CLDN11: variants seen among roughly 807,000 people sequenced by gnomAD.
CLDN11 encodes the protein claudin-11.
Under a neutral mutation model 18.0 loss-of-function variants are expected in CLDN11, and 1 was observed. That is an observed-to-expected ratio of 0.06 (90% CI 0.02 to 0.26). The LOEUF (loss-of-function observed/expected upper bound fraction) is 0.26, where lower values mean the gene tolerates loss of function less well. Ranked by LOEUF, CLDN11 falls within the 10% of genes least tolerant of loss-of-function variation. The pLI, the probability that CLDN11 is intolerant of heterozygous loss-of-function variation, is 1.00. For synonymous variants in CLDN11, 116 were observed against 121.5 expected (o/e 0.96, Z 0.30); for missense variants, 172 against 276.6 (o/e 0.62, Z 2.68).
Position 170,419,398 on chromosome 3 carries a change from G to T in CLDN11, c.226+106G>T. The T allele has an allele frequency of 1.2e-6, 1 of 806,956 alleles. No homozygotes were observed. Among genetic ancestry groups the T allele is most frequent in the Non-Finnish European group, 1.9e-6 (1 of 518,000 alleles). 50.0% of individuals were successfully genotyped at this position (806,956 alleles called of 1,614,324 possible). ...CATTTTGGGGGCTTGAAGACCTTTG[G>T]GTACGTTTTTGACATCCCTAGTCCC... On this transcript the variant is annotated intron_variant, in intron 1 of 2. Transcript: ENST00000064724. This position sits in a 1 kb window ranked among gnomAD's most constrained non-coding sequence, Gnocchi z 8.6.
At chr3:170,428,209 C>T (rs1405694498) in intron 2 of CLDN11, among the ~76,000 whole-genome samples, 1 of 151,350 alleles carries the variant, frequency 6.6e-6, no homozygotes, top group Non-Finnish European at 1.5e-5. Flanking sequence ...TTGTCTTTCT[C>T]TGCCTCTTTG....
intron 1 of CLDN11, among the ~76,000 whole-genome samples, chr3:170,422,380 A>C (rs1738746166): frequency 6.6e-6 from 1 of 152,204 alleles, no homozygotes; most frequent in South Asian, 2.1e-4. Flanking sequence ...TCTATTACAG[A>C]GATGTAGGTA....
In CLDN11 at chr3:170,419,570, TAG is replaced by T. The variant is rs1738670210; in HGVS notation, c.226+279_226+280del. On this transcript the variant is annotated intron_variant, in intron 1 of 2. Transcript: ENST00000064724. This position sits in a 1 kb window ranked among gnomAD's most constrained non-coding sequence, Gnocchi z 8.6. ...AGAATGAACAAACCGGAACACCTAATAGGAACTGAGTCCGTGTTAATTACTGC... is the reference window on the plus strand; with the variant it reads ...AGAATGAACAAACCGGAACACCTAATGAACTGAGTCCGTGTTAATTACTGC... Among the ~76,000 whole-genome samples, 7 of 152,302 alleles carry T rather than the reference TAG, an allele frequency of 4.6e-5. No homozygotes were observed. In the South Asian group the frequency reaches 1.5e-3, roughly 32 times the overall value.
intron 2 of CLDN11, among the ~76,000 whole-genome samples, chr3:170,428,390 C>T (rs1443262449): frequency 6.6e-6 from 1 of 152,196 alleles, no homozygotes; most frequent in African/African-American, 2.4e-5. Flanking sequence ...ATGGACTTCT[C>T]AAATATTTTC....
chr3:170,423,986 G>A (rs937046748), intron 2 of CLDN11, among the ~76,000 whole-genome samples: 1 of 139,482 alleles, frequency 7.2e-6, no homozygotes, highest in African/African-American at 2.7e-5. Context: ...CTGAGATCAC[G>A]CTACTGCGTT....
Position 170,432,625 on chromosome 3 carries a change from G to A in CLDN11, c.493G>A (p.Ala165Thr), listed in dbSNP as rs773175394. 1.2e-6 allele frequency: 2 copies of A among 1,614,160 alleles called. No homozygotes were observed. Among genetic ancestry groups the A allele is most frequent in the Admixed American group, 3.3e-5 (2 of 60,008 alleles). Residue 165 changes from alanine to threonine, a missense_variant, in exon 3 of 3, where the codon GCT (alanine) becomes ACT (threonine). Ala to Thr is a moderately conservative substitution (Grantham distance 58). Around this residue, in one of 3 missense-constraint regions of CLDN11, gnomAD observed 161 missense variants for 240.3 expected, o/e 0.67. Coordinates refer to ENST00000064724, the MANE Select transcript of CLDN11 (RefSeq NM_005602.6). Reference protein sequence around the residue: ...GYSLYAGWIGAVLCLVGGCVI... With the variant: ...GYSLYAGWIGTVLCLVGGCVI... ...CTCCCTGTATGCAGGCTGGATTGGT[G>A]CTGTGCTGTGCCTCGTGGGTGGCTG...
intron 1 of CLDN11, among the ~76,000 whole-genome samples, chr3:170,422,488 C>A (rs562149960): frequency 6.6e-6 from 1 of 152,322 alleles, no homozygotes; most frequent in Non-Finnish European, 1.5e-5. Context: ...GTGGCTCGAT[C>A]TCAGCTCACT....
intron 2 of CLDN11, among the ~76,000 whole-genome samples, chr3:170,424,369 C>G (rs909100616): frequency 6.6e-6 from 1 of 152,160 alleles, no homozygotes; most frequent in Non-Finnish European, 1.5e-5. Context: ...AGCTCTGAGA[C>G]TTGAAGAGGA....
At chr3:170,422,267 C>T (rs372218515) in intron 1 of CLDN11, among the ~76,000 whole-genome samples, 1 of 9,868 alleles carries the variant, frequency 1.0e-4, no homozygotes, top group African/African-American at 1.6e-4. Flanking sequence ...TGCACTGAGA[C>T]AGACAAAGAA....
Position 170,432,652 on chromosome 3 carries a change from G to A in CLDN11, c.520G>A (p.Val174Ile). ...TGTGCTGTGCCTCGTGGGTGGCTGT[G>A]TCATCCTCTGCTGCGCTGGAGATGC... ...GAVLCLVGGC[V>I]ILCCAGDAQA... Residue 174 changes from valine to isoleucine, a missense_variant, in exon 3 of 3, where the codon GTC becomes ATC. Physicochemically the swap from Val to Ile is conservative, Grantham distance 29. This residue lies in a region of CLDN11 where 161 missense variants were observed against 240.3 expected (regional missense o/e 0.67). Coordinates refer to ENST00000064724, the MANE Select transcript of CLDN11 (RefSeq NM_005602.6). 6.2e-7 allele frequency: 1 copy of A among 1,614,178 alleles called. No homozygotes were observed. Among genetic ancestry groups the A allele is most frequent in the Non-Finnish European group, 8.5e-7 (1 of 1,180,038 alleles).
chr3:170,421,788 G>A (rs1738731470), intron 1 of CLDN11, among the ~76,000 whole-genome samples: 2 of 152,184 alleles, frequency 1.3e-5, no homozygotes, highest in African/African-American at 4.8e-5. Context: ...CCAGTATCTT[G>A]TCAGATTTAT....
chr3:170,419,037 G>A lies in CLDN11; in HGVS notation c.-30G>A, dbSNP rs541354359. 1.1e-4 allele frequency: 167 copies of A among 1,499,844 alleles called. 2 individuals are homozygous for A. In the South Asian group the frequency reaches 1.9e-3, roughly 17 times the overall value. The allele number at this position is 1,499,844 out of a possible 1,614,324, so 92.9% of individuals were successfully genotyped here. On this transcript the variant is annotated 5_prime_UTR_variant, in exon 1 of 3. Transcript: ENST00000064724. This position sits in a 1 kb window ranked among gnomAD's most constrained non-coding sequence, Gnocchi z 8.6. ...CCAGGCCCAGGCACAGCCGTGAGGGGCGAGGCACGGGGACATCCTGGCGGC... is the reference window on the plus strand; with the variant it reads ...CCAGGCCCAGGCACAGCCGTGAGGGACGAGGCACGGGGACATCCTGGCGGC...
At chr3:170,425,837 G>A (rs1738840554) in intron 2 of CLDN11, among the ~76,000 whole-genome samples, 1 of 152,214 alleles carries the variant, frequency 6.6e-6, no homozygotes, top group South Asian at 2.1e-4. Flanking sequence ...TGGGCTGGAT[G>A]TTGTTTTGAC....
chr3:170,430,603 A>T (rs967038767), intron 2 of CLDN11, among the ~76,000 whole-genome samples: 4 of 151,152 alleles, frequency 2.6e-5, no homozygotes, highest in African/African-American at 9.7e-5. Context: ...CAGTGGCAAG[A>T]TCTCCGCTCA....
intron 2 of CLDN11, among the ~76,000 whole-genome samples, chr3:170,428,169 A>G (rs1322444932): frequency 1.3e-5 from 2 of 150,942 alleles, no homozygotes; most frequent in Non-Finnish European, 2.9e-5. Context: ...ATTTATTGGA[A>G]GGAGGAAGAA....
At chr3:170,426,660 G>A (rs1738862381) in intron 2 of CLDN11, among the ~76,000 whole-genome samples, 1 of 152,232 alleles carries the variant, frequency 6.6e-6, no homozygotes, top group Non-Finnish European at 1.5e-5. Context: ...ATTTAGCATA[G>A]GATCTGGCAC....
chr3:170,420,670 CG>C (rs1738702890), intron 1 of CLDN11, among the ~76,000 whole-genome samples: 1 of 152,186 alleles, frequency 6.6e-6, no homozygotes, highest in African/African-American at 2.4e-5. Context: ...ACAATAGCTG[CG>C]GGCAGTGCTT....
rs1738765949 is a variant in CLDN11 at position 170,423,280 on chromosome 3, C to T, written c.344C>T (p.Ala115Val). 3 of 1,614,190 alleles carry T rather than the reference C, an allele frequency of 1.9e-6. No individual in the cohort carries two copies. In the African/African-American group the frequency reaches 4.0e-5, roughly 22 times the overall value. ...CIRMGQEPGV[A>V]KYRRAQLAGV... is the part of the protein sequence containing the mutation. The stretch of plus-strand genomic sequence containing the variant: ...CGGATGGGCCAGGAGCCCGGTGTGG[C>T]TAAGTACAGGCGGGCCCAGCTGGCT... The change falls in exon 2 of 3, where the codon GCT becomes GTT. Residue 115 changes from alanine (A) to valine (V), a missense_variant. By Grantham distance (64) the Ala-to-Val change is moderately conservative (BLOSUM62 0). This residue lies in a region of CLDN11 where 161 missense variants were observed against 240.3 expected (regional missense o/e 0.67). Coordinates refer to ENST00000064724, the MANE Select transcript of CLDN11 (RefSeq NM_005602.6).
chr3:170,430,043 G>C (rs941987426), intron 2 of CLDN11, among the ~76,000 whole-genome samples: 1 of 152,174 alleles, frequency 6.6e-6, no homozygotes, highest in African/African-American at 2.4e-5. Context: ...CTCTAAACAA[G>C]CCTGGGTGTT....
Sources: allele counts gnomAD v4.1 joint callset (sites outside exome capture counted in the v4.1 genomes callset), GRCh38; gene constraint gnomAD v4.1.1; regional missense constraint gnomAD v4.1.1; non-coding constraint Gnocchi (gnomAD v3.1); transcripts MANE v1.5; gene names NCBI Gene and HGNC (gene_info 2026-07-23, HGNC 2026-07-21).